Variants in ZSCAN22 observed in about 807,000 individuals in gnomAD.
ZSCAN22 encodes the protein zinc finger and SCAN domain containing 22.
In ZSCAN22, 7 loss-of-function variants were observed where a neutral mutation model predicts 12.4. The ratio of observed to expected loss-of-function variants is 0.57; its 90% CI spans 0.32 to 1.06. The LOEUF (loss-of-function observed/expected upper bound fraction) is 1.06. Among genes scored for constraint, ZSCAN22 ranks in the 50% least tolerant of loss-of-function variants. The pLI, the probability that ZSCAN22 is intolerant of heterozygous loss-of-function variation, is 0.04. For synonymous variants in ZSCAN22, 243 were observed against 255.9 expected (o/e 0.95, Z 0.48); for missense variants, 576 against 631.7 (o/e 0.91, Z 0.94).
At position 58,338,654 on chromosome 19, in the gene ZSCAN22, C is replaced by T. The variant is rs1196547847; in HGVS notation, c.804C>T (p.Ser268=). ...ACACCTACTCAGGGAAGAGGTCCTC[C>T]AAGTGTCGCGAGTGTAGGAAGATGT... ...PPYTYSGKRS[S]KCRECRKMFQ... The change falls in exon 3 of 3, where the codon TCC becomes TCT. Residue 268 remains serine (S), a synonymous_variant. Transcript: ENST00000329665. This position sits in a 1 kb window ranked among gnomAD's most constrained non-coding sequence, Gnocchi z 5.4. The T allele has an allele frequency of 6.2e-7, 1 of 1,614,178 alleles. No individual in the cohort carries two copies. Among genetic ancestry groups the T allele is most frequent in the African/African-American group, 1.3e-5 (1 of 75,040 alleles).
At position 58,338,562 on chromosome 19, in the gene ZSCAN22, T is replaced by A; in HGVS notation, c.712T>A (p.Ser238Thr). The A allele has an allele frequency of 1.2e-6, 2 of 1,614,166 alleles. No homozygotes were observed. The highest frequency in any genetic ancestry group is 4.5e-5 in the East Asian group (2 of 44,872). ...NSSSAWPNLTSQEKPPSEDKF... is the reference protein window; with the variant it reads ...NSSSAWPNLTTQEKPPSEDKF... Reference sequence around the variant, plus strand: ...TTCTAGTGCGTGGCCAAACCTCACCTCCCAAGAGAAGCCTCCTTCAGAAGA... The same window carrying A: ...TTCTAGTGCGTGGCCAAACCTCACCACCCAAGAGAAGCCTCCTTCAGAAGA... Residue 238 changes from serine to threonine, a missense_variant, in exon 3 of 3, where the codon TCC becomes ACC. Ser to Thr is a moderately conservative substitution (Grantham distance 58). Coordinates refer to ENST00000329665, the MANE Select transcript of ZSCAN22 (RefSeq NM_181846.3). The surrounding 1 kb of genome is among the most constrained non-coding windows in gnomAD (Gnocchi z 5.4).
chr19:58,331,720 T>C (rs990013284), intron 1 of ZSCAN22, among the ~76,000 whole-genome samples: 2 of 151,554 alleles, frequency 1.3e-5, no homozygotes, highest in African/African-American at 4.9e-5. Flanking sequence ...AATTTTTTTG[T>C]ATTTTTAATA....
Position 58,339,413 on chromosome 19 carries a change from A to G in ZSCAN22, c.*87A>G. The G allele has an allele frequency of 7.9e-7, 1 of 1,264,350 alleles. No individual in the cohort carries two copies. Among genetic ancestry groups the G allele is most frequent in the Non-Finnish European group, 1.1e-6 (1 of 925,660 alleles). The allele number at this position is 1,264,350 out of a possible 1,614,324, so 78.3% of individuals were successfully genotyped here. On this transcript the variant is annotated 3_prime_UTR_variant, in exon 3 of 3. Coordinates refer to ENST00000329665, the MANE Select transcript of ZSCAN22 (RefSeq NM_181846.3). This position sits in a 1 kb window ranked among gnomAD's most constrained non-coding sequence, Gnocchi z 5.6. ...ACGCTGAGTTCCTGAAGAGCCACAG[A>G]CAGGGTGGGTGATTGATGAGTTGTC... is the stretch of plus-strand genomic sequence containing the variant.
Position 58,338,983 on chromosome 19 carries a change from G to A in ZSCAN22, c.1133G>A (p.Arg378Gln), listed in dbSNP as rs147938590. 3.5e-5 allele frequency: 56 copies of A among 1,612,774 alleles called. No individual in the cohort carries two copies. Among genetic ancestry groups the A allele is most frequent in the Middle Eastern group, 3.3e-4 (2 of 6,058 alleles). The change falls in exon 3 of 3, where the codon CGG becomes CAG. Residue 378 changes from arginine to glutamine, a missense_variant. By Grantham distance (43) the Arg-to-Gln change is conservative. Transcript: ENST00000329665. The surrounding 1 kb of genome is among the most constrained non-coding windows in gnomAD (Gnocchi z 5.4). ...CACCAGCGGGTGCACACGGGGGAGC[G>A]GCCCTACGAGTGTGACGCGTGTGGG... ...TQHQRVHTGERPYECDACGKA... is the reference protein window; with the variant it reads ...TQHQRVHTGEQPYECDACGKA...
intron 1 of ZSCAN22, among the ~76,000 whole-genome samples, 176 bp downstream of exon 1, chr19:58,327,290 G>T (rs1288851175): frequency 1.3e-5 from 2 of 152,216 alleles, no homozygotes; most frequent in Non-Finnish European, 2.9e-5. Context: ...GGACACACGC[G>T]CAGAGGATGT....
rs953713177 is a variant in ZSCAN22, at chr19:58,335,549, G to C, written c.403+344G>C. Among the ~76,000 whole-genome samples the C allele has an allele frequency of 2.0e-5, 3 of 152,138 alleles. No individual in the cohort carries two copies. Among genetic ancestry groups the C allele is most frequent in the African/African-American group, 7.2e-5 (3 of 41,406 alleles). On this transcript the variant is annotated intron_variant, in intron 2 of 2. Transcript: ENST00000329665. The surrounding 1 kb of genome is among the most constrained non-coding windows in gnomAD (Gnocchi z 4.1). ...TTATTTTAGGTTCTCTTTCCAAAGG[G>C]GTTAAAGATAGCCAGGAACCCCAGG...
chr19:58,339,168 G>T lies in ZSCAN22; in HGVS notation c.1318G>T (p.Val440Phe), dbSNP rs759579420. The T allele has an allele frequency of 2.7e-5, 44 of 1,614,066 alleles. No homozygotes were observed. Among genetic ancestry groups the T allele is most frequent in the African/African-American group, 4.0e-5 (3 of 74,936 alleles). Residue 440 changes from valine (V) to phenylalanine (F), a missense_variant, in exon 3 of 3, where the codon GTT (valine) becomes TTT (phenylalanine). Physicochemically the swap from Val to Phe is conservative, Grantham distance 50. Transcript: ENST00000329665. The surrounding 1 kb of genome is among the most constrained non-coding windows in gnomAD (Gnocchi z 5.6). ...TGGAGAGAAGCCATATCAGTGTAAG[G>T]TTTGTCCGAAGGCCTTTGCACAGAG... Reference protein sequence around the residue: ...HSGEKPYQCKVCPKAFAQSSS... With the variant: ...HSGEKPYQCKFCPKAFAQSSS...
In ZSCAN22 at chr19:58,338,808, G is replaced by C; in HGVS notation, c.958G>C (p.Gly320Arg). Residue 320 changes from glycine to arginine, a missense_variant, in exon 3 of 3, where the codon GGG becomes CGG. By Grantham distance (125) the Gly-to-Arg change is moderately radical (BLOSUM62 -2). Transcript: ENST00000329665. This position sits in a 1 kb window ranked among gnomAD's most constrained non-coding sequence, Gnocchi z 5.4. The part of the protein sequence containing the change: ...HLAQHQVVHT[G>R]AKPHECKECG... ...CGCCCAGCACCAGGTTGTCCACACA[G>C]GGGCGAAGCCCCATGAGTGTAAGGA... The C allele has an allele frequency of 6.2e-7, 1 of 1,614,032 alleles. No homozygotes were observed. The highest frequency in any genetic ancestry group is 2.2e-5 in the East Asian group (1 of 44,878).
At chr19:58,331,366 G>A (rs1225135472) in intron 1 of ZSCAN22, among the ~76,000 whole-genome samples, 1 of 150,180 alleles carries the variant, frequency 6.7e-6, no homozygotes, top group Non-Finnish European at 1.5e-5. Flanking sequence ...ACAGGCCCCC[G>A]CTGCCACGCC....
intron 1 of ZSCAN22, among the ~76,000 whole-genome samples, chr19:58,333,223 G>A (rs1449258909): frequency 8.6e-5 from 13 of 152,008 alleles, no homozygotes; most frequent in Non-Finnish European, 1.8e-4. Flanking sequence ...CCACTCTGTG[G>A]GCTGCTTTTT....
intron 1 of ZSCAN22, among the ~76,000 whole-genome samples, chr19:58,333,321 T>C (rs941121907): frequency 3.3e-5 from 5 of 152,370 alleles, no homozygotes; most frequent in African/African-American, 1.2e-4. Context: ...TTACTTATGC[T>C]TTTGGTGTCA....
intron 1 of ZSCAN22, among the ~76,000 whole-genome samples, chr19:58,334,420 C>T (rs1178161391): frequency 6.6e-6 from 1 of 152,134 alleles, no homozygotes; most frequent in Non-Finnish European, 1.5e-5. Context: ...GGGTTCACGC[C>T]ATTCTCCTGC....
chr19:58,331,606 G>A (rs1306392219), intron 1 of ZSCAN22, among the ~76,000 whole-genome samples: 5 of 134,586 alleles, frequency 3.7e-5, no homozygotes, highest in African/African-American at 1.1e-4. Flanking sequence ...GTGCAGTGGC[G>A]TGATCTCGGC....
chr19:58,331,141 T>G (rs992083236), intron 1 of ZSCAN22, among the ~76,000 whole-genome samples: 8 of 152,008 alleles, frequency 5.3e-5, no homozygotes, highest in African/African-American at 1.9e-4. Flanking sequence ...GCACAGAGAC[T>G]TACTGATAAG....
At chr19:58,332,237 C>A (rs1410062725) in intron 1 of ZSCAN22, among the ~76,000 whole-genome samples, 1 of 146,604 alleles carries the variant, frequency 6.8e-6, no homozygotes, top group African/African-American at 2.6e-5. Context: ...TCATTTTTGT[C>A]TCTCTTCAGC....
At chr19:58,336,570 A>G (rs2051800119) in intron 2 of ZSCAN22, among the ~76,000 whole-genome samples, 1 of 152,066 alleles carries the variant, frequency 6.6e-6, no homozygotes, top group African/African-American at 2.4e-5. Flanking sequence ...GGAGCAGGGG[A>G]GACTGCCTGT....
intron 1 of ZSCAN22, among the ~76,000 whole-genome samples, chr19:58,332,072 C>T (rs1380579802): frequency 1.3e-5 from 2 of 151,692 alleles, no homozygotes; most frequent in African/African-American, 2.4e-5. Context: ...GGGGTTTCTC[C>T]ATATTGGTCA....
intron 2 of ZSCAN22, among the ~76,000 whole-genome samples, chr19:58,336,205 C>T (rs999024084): frequency 3.3e-5 from 5 of 152,254 alleles, no homozygotes; most frequent in Middle Eastern, 3.4e-3. Flanking sequence ...AGTGGTGTTG[C>T]GAGATACAAG....
chr19:58,338,786 C>T lies in ZSCAN22; in HGVS notation c.936C>T (p.Ala312=). 2 of 1,613,852 alleles carry T rather than the reference C, an allele frequency of 1.2e-6. No individual in the cohort carries two copies. Among genetic ancestry groups the T allele is most frequent in the Non-Finnish European group, 1.7e-6 (2 of 1,179,938 alleles). ...CCTTCAGCCGGAGCACTCACCTCGC[C>T]CAGCACCAGGTTGTCCACACAGGGG... ...GKAFSRSTHL[A]QHQVVHTGAK... Residue 312 remains alanine, a synonymous_variant, in exon 3 of 3, where the codon GCC becomes GCT. Coordinates refer to ENST00000329665, the MANE Select transcript of ZSCAN22 (RefSeq NM_181846.3). This position sits in a 1 kb window ranked among gnomAD's most constrained non-coding sequence, Gnocchi z 5.4.
Sources: allele counts gnomAD v4.1 joint callset (sites outside exome capture counted in the v4.1 genomes callset), GRCh38; gene constraint gnomAD v4.1.1; non-coding constraint Gnocchi (gnomAD v3.1); transcripts MANE v1.5; gene names NCBI Gene and HGNC (gene_info 2026-07-23, HGNC 2026-07-21).